KAT6A: variants seen among roughly 807,000 people sequenced by gnomAD.
KAT6A encodes the protein histone acetyltransferase KAT6A.
KAT6A carries 9 observed loss-of-function variants against 198.4 expected under a neutral mutation model. The observed-to-expected ratio is 0.05, with a 90% CI of 0.03 to 0.08. KAT6A has a LOEUF of 0.08. Ranked by LOEUF, KAT6A falls within the 10% of genes least tolerant of loss-of-function variation. KAT6A has a pLI of 1.00. For synonymous variants in KAT6A, 890 were observed against 883.0 expected (o/e 1.01, Z -0.14); for missense variants, 2,077 against 2,509.9 (o/e 0.83, Z 3.69).
intron 16 of KAT6A, among the ~76,000 whole-genome samples, chr8:41,936,861 G>A (rs1327770661): frequency 3.3e-5 from 5 of 152,142 alleles, no homozygotes; most frequent in Non-Finnish European, 5.9e-5. Flanking sequence ...CCGGGCTTAA[G>A]CACTCAGCAT....
chr8:42,046,903 T>C (rs1031680232), intron 2 of KAT6A, among the ~76,000 whole-genome samples: 89 of 152,198 alleles, frequency 5.8e-4, no homozygotes, highest in African/African-American at 2.1e-3. Flanking sequence ...AGTAAGATTA[T>C]GTTTTATTTC....
chr8:41,943,152 CAT>C (rs1822222481), intron 13 of KAT6A, 152 bp from the exon 14 acceptor site: 2 of 1,027,240 alleles, frequency 1.9e-6, no homozygotes, highest in Non-Finnish European at 1.4e-6. Flanking sequence ...TGTGCCACCA[CAT>C]GAGACGGCCA....
rs547557651 is a variant in KAT6A, at chr8:42,041,531, G to A, written c.600+6847C>T. Among the ~76,000 whole-genome samples, 6 of 152,310 alleles carry A rather than the reference G, an allele frequency of 3.9e-5. No individual in the cohort carries two copies. The South Asian group carries it at 1.2e-3, about 32-fold the overall frequency. On this transcript the variant is annotated intron_variant, in intron 2 of 16. Transcript: ENST00000265713. Reference sequence around the variant, plus strand: ...GTGGGCGGATCACCTGAGGTCAGGAGTTCGAGAACACAACTGGCCAACATG... The same window carrying A: ...GTGGGCGGATCACCTGAGGTCAGGAATTCGAGAACACAACTGGCCAACATG...
At chr8:41,984,717 G>A (rs1019020041) in intron 3 of KAT6A, among the ~76,000 whole-genome samples, 3 of 152,070 alleles carry the variant, frequency 2.0e-5, no homozygotes, top group Non-Finnish European at 1.5e-5. Flanking sequence ...AGTGGTTCAC[G>A]CCTGTAATCC....
chr8:42,005,343 C>T lies in KAT6A; in HGVS notation c.601-17780G>A, dbSNP rs142254138. On this transcript the variant is annotated intron_variant, in intron 2 of 16. Coordinates refer to ENST00000265713, the MANE Select transcript of KAT6A (RefSeq NM_006766.5). The stretch of plus-strand genomic sequence containing the variant: ...TATATTTCATCTTCAATACTACCTC[C>T]GTAACAGTATAAATAAAGCCTTAAG... Among the ~76,000 whole-genome samples, 348 of 152,276 alleles carry T rather than the reference C, an allele frequency of 2.3e-3. 1 individual carries two copies. Among genetic ancestry groups the T allele is most frequent in the African/African-American group, 8.1e-3 (336 of 41,538 alleles).
At position 41,977,016 on chromosome 8, in the gene KAT6A, C is replaced by A. The variant is rs762311673; in HGVS notation, c.1355G>T (p.Trp452Leu). 2.1e-5 allele frequency: 33 copies of A among 1,600,156 alleles called. 1 individual carries two copies. The South Asian group carries it at 3.6e-4, about 17-fold the overall frequency. ...RGNRKSSTSD[W>L]PTDNQDGWDG... ...CTGTTCTAAACTCTTACCTGTGGGC[C>A]AATCTGAAGTGCTTGATTTCCTGTT... Residue 452 changes from tryptophan (W) to leucine (L), a missense_variant, in exon 7 of 17, where the codon TGG becomes TTG. By Grantham distance (61) the Trp-to-Leu change is moderately conservative. Coordinates refer to ENST00000265713, the MANE Select transcript of KAT6A (RefSeq NM_006766.5).
intron 8 of KAT6A, among the ~76,000 whole-genome samples, chr8:41,969,276 T>A (rs1364715262): frequency 6.6e-6 from 1 of 152,238 alleles, no homozygotes; most frequent in Non-Finnish European, 1.5e-5. Context: ...ATATCTATGC[T>A]CTCAAAAATG....
chr8:42,030,992 T>C (rs1827081966), intron 2 of KAT6A, among the ~76,000 whole-genome samples: 1 of 114,020 alleles, frequency 8.8e-6, no homozygotes, highest in South Asian at 3.0e-4. Context: ...AAAAGTAAGA[T>C]GCAAAAGAGT....
At chr8:41,974,537 G>A (rs1823954024) in intron 8 of KAT6A, 167 bp downstream of exon 8, 1 of 452,036 alleles carries the variant, frequency 2.2e-6, no homozygotes, top group Non-Finnish European at 4.0e-6. Context: ...AGTTATCATG[G>A]GTTTGAAAGG....
chr8:42,013,703 A>T (rs1027669580), intron 2 of KAT6A, among the ~76,000 whole-genome samples: 1 of 152,196 alleles, frequency 6.6e-6, no homozygotes, highest in Non-Finnish European at 1.5e-5. Flanking sequence ...TTACTTATTT[A>T]TTAACCTATT....
chr8:41,967,962 C>T (rs1474022738), intron 8 of KAT6A, among the ~76,000 whole-genome samples: 3 of 151,734 alleles, frequency 2.0e-5, no homozygotes, highest in Non-Finnish European at 4.4e-5. Context: ...ACACCTTATA[C>T]AAAAATCAAT....
At chr8:42,024,643 T>G (rs563127880) in intron 2 of KAT6A, among the ~76,000 whole-genome samples, 2 of 152,164 alleles carry the variant, frequency 1.3e-5, no homozygotes, top group East Asian at 3.9e-4. Flanking sequence ...CCTCCATGAG[T>G]CAACTGTTTT....
chr8:41,967,775 G>C (rs2150880070), intron 8 of KAT6A, among the ~76,000 whole-genome samples: 1 of 152,046 alleles, frequency 6.6e-6, no homozygotes, highest in Non-Finnish European at 1.5e-5. Flanking sequence ...ATGTGACAGA[G>C]ATATAGATCA....
intron 8 of KAT6A, chr8:41,957,879 AT>A (rs1263024419): frequency 6.5e-6 from 1 of 152,716 alleles, no homozygotes; most frequent in African/African-American, 2.4e-5. Flanking sequence ...TTCTTGCAGT[AT>A]CCCCAACTCT....
At chr8:42,011,455 C>T (rs536915614) in intron 2 of KAT6A, among the ~76,000 whole-genome samples, 91 of 152,160 alleles carry the variant, frequency 6.0e-4, no homozygotes, top group Non-Finnish European at 1.0e-3. Context: ...ATCACTACTT[C>T]GGCCGGGTGC....
intron 3 of KAT6A, among the ~76,000 whole-genome samples, chr8:41,984,459 C>T (rs149205760): frequency 0.01 from 1,569 of 152,252 alleles, 88 homozygotes; most frequent in Admixed American, 0.083. Flanking sequence ...AATGAGCCAT[C>T]GTGGAAGCCT....
chr8:41,971,346 G>T (rs1467037405), intron 8 of KAT6A, among the ~76,000 whole-genome samples: 1 of 152,160 alleles, frequency 6.6e-6, no homozygotes, highest in African/African-American at 2.4e-5. Context: ...AGGGGATAGA[G>T]TGACACAATG....
intron 2 of KAT6A, among the ~76,000 whole-genome samples, chr8:42,029,866 C>T (rs1827018096): frequency 6.6e-6 from 1 of 152,052 alleles, no homozygotes; most frequent in African/African-American, 2.4e-5. Context: ...AATTATTTTT[C>T]TGATTTCTTT....
At chr8:41,949,161 C>G (rs1297046449) in intron 10 of KAT6A, 61 bp downstream of exon 10, 2 of 1,125,516 alleles carry the variant, frequency 1.8e-6, no homozygotes, top group African/African-American at 3.3e-5. Context: ...ACAATAGATG[C>G]AATATAGGTG....
Sources: gnomAD v4.1 joint callset for allele counts (sites outside exome capture counted in the v4.1 genomes callset) on GRCh38, gnomAD v4.1.1 for gene constraint, MANE v1.5 for transcripts, NCBI Gene and HGNC (gene_info 2026-07-23, HGNC 2026-07-21) for gene names.